Variants in CTTNBP2 observed in about 807,000 individuals in gnomAD.
The protein encoded by CTTNBP2 is cortactin-binding protein 2.
A neutral mutation model predicts 156.9 loss-of-function variants in CTTNBP2; 108 were observed. That is an observed-to-expected ratio of 0.69 (90% CI 0.59 to 0.81). The LOEUF is 0.81. Among genes scored for constraint, CTTNBP2 ranks in the 30% least tolerant of loss-of-function variants. The pLI is 0.00. For synonymous variants in CTTNBP2, 767 were observed against 751.8 expected (o/e 1.02, Z -0.33); for missense variants, 1,924 against 2,035.4 (o/e 0.95, Z 1.05).
At chr7:117,818,755 C>T (rs982429891) in intron 2 of CTTNBP2, among the ~76,000 whole-genome samples, 6 of 152,222 alleles carry the variant, frequency 3.9e-5, no homozygotes, top group Admixed American at 1.3e-4. Context: ...AGAGGAAAAG[C>T]CTTCCAGATG....
At chr7:117,784,689 G>A (rs779378504) in intron 4 of CTTNBP2, among the ~76,000 whole-genome samples, 9 of 152,170 alleles carry the variant, frequency 5.9e-5, no homozygotes, top group Non-Finnish European at 1.0e-4. Flanking sequence ...ATTATTTTTA[G>A]TCATGAGTCT....
At chr7:117,857,167 CTA>C (rs1803387655) in intron 2 of CTTNBP2, among the ~76,000 whole-genome samples, 1 of 152,162 alleles carries the variant, frequency 6.6e-6, no homozygotes, top group Non-Finnish European at 1.5e-5. Flanking sequence ...TATTCCTACT[CTA>C]TGTGAATATG....
chr7:117,766,535 C>A (rs1797494152), intron 9 of CTTNBP2, among the ~76,000 whole-genome samples: 1 of 152,088 alleles, frequency 6.6e-6, no homozygotes, highest in Non-Finnish European at 1.5e-5. Context: ...TATAAGAGGT[C>A]ATGATGTTTT....
At chr7:117,798,643 T>A (rs1399251118) in intron 3 of CTTNBP2, among the ~76,000 whole-genome samples, 1 of 152,072 alleles carries the variant, frequency 6.6e-6, no homozygotes, top group East Asian at 1.9e-4. Flanking sequence ...AAGAGCTGCC[T>A]CAAATCAATC....
chr7:117,861,656 C>CAA (rs1803763744), intron 1 of CTTNBP2, among the ~76,000 whole-genome samples: 1 of 151,978 alleles, frequency 6.6e-6, no homozygotes, highest in East Asian at 1.9e-4. Context: ...GGGGGAGTTT[C>CAA]AAGAGAAGCA....
intron 9 of CTTNBP2, 44 bp downstream of exon 9, chr7:117,767,014 GC>G (rs1562986261): frequency 9.5e-7 from 1 of 1,053,920 alleles, no homozygotes; most frequent in Non-Finnish European, 1.5e-6. Context: ...AGAGGCCCCA[GC>G]AGCATAGGGG....
chr7:117,836,186 C>A (rs1263626965), intron 2 of CTTNBP2, among the ~76,000 whole-genome samples: 1 of 152,176 alleles, frequency 6.6e-6, no homozygotes, highest in East Asian at 1.9e-4. Context: ...GAAGCACAAG[C>A]CCATTCTTGG....
At chr7:117,729,327 G>A (rs2116450703) in intron 16 of CTTNBP2, among the ~76,000 whole-genome samples, 1 of 152,280 alleles carries the variant, frequency 6.6e-6, no homozygotes, top group Middle Eastern at 3.4e-3. Context: ...TGTATTATGG[G>A]AAAAGTGGTT....
chr7:117,830,589 A>T (rs983126565), intron 2 of CTTNBP2, among the ~76,000 whole-genome samples: 3 of 152,240 alleles, frequency 2.0e-5, no homozygotes, highest in Non-Finnish European at 4.4e-5. Context: ...CCAAATACAT[A>T]GCCATTGGGA....
chr7:117,743,476 C>T (rs1162830018), intron 14 of CTTNBP2, among the ~76,000 whole-genome samples: 1 of 151,946 alleles, frequency 6.6e-6, no homozygotes, highest in East Asian at 1.9e-4. Context: ...GGACACTTAA[C>T]CCTTTATTTC....
At chr7:117,819,365 T>TCACACACACACACA (rs1308101221) in intron 2 of CTTNBP2, among the ~76,000 whole-genome samples, 1 of 136,844 alleles carries the variant, frequency 7.3e-6, no homozygotes, top group Admixed American at 7.2e-5. Flanking sequence ...CTTCTCTCTC[T>TCACACACACACACA]CTCACACACA....
intron 2 of CTTNBP2, among the ~76,000 whole-genome samples, chr7:117,824,279 T>C (rs979165873): frequency 2.0e-5 from 3 of 152,204 alleles, no homozygotes; most frequent in Non-Finnish European, 4.4e-5. Flanking sequence ...TCTGGGCATA[T>C]AGCCCTTTTA....
chr7:117,832,944 A>G (rs186148166), intron 2 of CTTNBP2, among the ~76,000 whole-genome samples: 7 of 151,222 alleles, frequency 4.6e-5, no homozygotes, highest in African/African-American at 1.5e-4. Context: ...TTTAGTAGAG[A>G]CAGAGTTTCA....
rs1307660609 is a variant in CTTNBP2, at chr7:117,873,398, C to T, written c.18G>A (p.Ala6=). 6 of 1,492,042 alleles carry T rather than the reference C, an allele frequency of 4.0e-6. No individual in the cohort carries two copies. Among genetic ancestry groups the T allele is most frequent in the African/African-American group, 1.4e-5 (1 of 69,256 alleles). The allele number at this position is 1,492,042 out of a possible 1,614,324, so 92.4% of individuals were successfully genotyped here. A position where few individuals can be genotyped will look rare whatever the true frequency, so the allele number is the denominator to read the frequency against. Residue 6 remains alanine (A), a synonymous_variant, in exon 1 of 23, where the codon GCG becomes GCA. Coordinates refer to ENST00000160373, the MANE Select transcript of CTTNBP2 (RefSeq NM_033427.3). MATDG[A]SCEPDLSRAP... ...CCCGGGACAAGTCGGGCTCGCAGCT[C>T]GCGCCGTCCGTCGCCATCTTCCTGC...
At chr7:117,829,342 G>C (rs1298762206) in intron 2 of CTTNBP2, among the ~76,000 whole-genome samples, 1 of 152,152 alleles carries the variant, frequency 6.6e-6, no homozygotes, top group Non-Finnish European at 1.5e-5. Flanking sequence ...ATAAAGTTAG[G>C]ATGAGACTAA....
At chr7:117,865,671 C>CAAAAAAAAAAAAAAAA (rs61533705) in intron 1 of CTTNBP2, among the ~76,000 whole-genome samples, 4 of 74,518 alleles carry the variant, frequency 5.4e-5, no homozygotes, top group African/African-American at 5.2e-5. Context: ...ACTCCATCTC[C>CAAAAAAAAAAAAAAAA]AAAAAAAAAA....
chr7:117,830,108 A>C (rs1170846925), intron 2 of CTTNBP2, among the ~76,000 whole-genome samples: 2 of 152,238 alleles, frequency 1.3e-5, no homozygotes, highest in Non-Finnish European at 2.9e-5. Flanking sequence ...AAATATCTTG[A>C]TAGCCCATTT....
At chr7:117,864,699 CATATATTCATATATATTCATATA>C (rs1804011604) in intron 1 of CTTNBP2, among the ~76,000 whole-genome samples, 2 of 118,292 alleles carry the variant, frequency 1.7e-5, no homozygotes, top group African/African-American at 2.7e-5. Context: ...CATATATATT[CATATATTCATATATATTCATATA>C]TACATATATT....
intron 16 of CTTNBP2, among the ~76,000 whole-genome samples, chr7:117,734,174 G>A (rs1369068111): frequency 1.3e-5 from 2 of 152,150 alleles, no homozygotes; most frequent in African/African-American, 4.8e-5. Flanking sequence ...TTATGTGAGG[G>A]GGAAAATCCT....
Sources: allele counts gnomAD v4.1 joint callset (sites outside exome capture counted in the v4.1 genomes callset), GRCh38; gene constraint gnomAD v4.1.1; transcripts MANE v1.5; gene names NCBI Gene and HGNC (gene_info 2026-07-23, HGNC 2026-07-21).